The following ATM variants were observed in gnomAD, a reference collection of about 807,000 sequenced individuals.
ATM encodes the protein serine-protein kinase ATM.
Under a neutral mutation model 387.0 loss-of-function variants are expected in ATM, and 308 were observed. The ratio of observed to expected loss-of-function variants is 0.80; its 90% CI spans 0.73 to 0.87. The LOEUF (loss-of-function observed/expected upper bound fraction) is 0.87. Among genes scored for constraint, ATM ranks in the 40% least tolerant of loss-of-function variants. The pLI, the probability that ATM is intolerant of heterozygous loss-of-function variation, is 0.00. For missense variants in ATM, 3,312 were observed against 3,560.9 expected, an observed-to-expected ratio of 0.93 and a Z score of 1.78; for synonymous variants, 1,156 against 1,187.3, an observed-to-expected ratio of 0.97 and a Z score of 0.54.
chr11:108,282,273 G>A (rs576874121), intron 24 of ATM, among the ~76,000 whole-genome samples: 4 of 152,014 alleles, frequency 2.6e-5, no homozygotes, highest in East Asian at 3.9e-4. Context: ...GACTACAGGC[G>A]CCCGTCGTCA....
chr11:108,350,577 A>G (rs1408039750), intron 59 of ATM, among the ~76,000 whole-genome samples: 1 of 152,232 alleles, frequency 6.6e-6, no homozygotes, highest in Non-Finnish European at 1.5e-5. Flanking sequence ...TTTCCCCAGA[A>G]TGAATTCTAG....
At position 108,365,505 on chromosome 11, in the gene ATM, G is replaced by A. The variant is rs1591388522; in HGVS notation, c.9168G>A (p.Val3056=). 3 of 1,614,076 alleles carry A rather than the reference G, an allele frequency of 1.9e-6. No homozygotes were observed. The highest frequency in any genetic ancestry group is 1.1e-5 in the South Asian group (1 of 91,062). ...SRLFPGWKAW[V] is the part of the protein sequence containing the mutation. Reference sequence around the variant, plus strand: ...TTTTCCCAGGATGGAAAGCTTGGGTGTGATCTTCAGTATATGAATTACCCT... The same window carrying A: ...TTTTCCCAGGATGGAAAGCTTGGGTATGATCTTCAGTATATGAATTACCCT... The change falls in exon 63 of 63, where the codon GTG becomes GTA. Residue 3056 remains valine, a synonymous_variant. Transcript: ENST00000675843.
chr11:108,307,894 C>G lies in ATM; in HGVS notation c.5675-3C>G, dbSNP rs876658545. 1.2e-6 allele frequency: 2 copies of G among 1,612,010 alleles called. No homozygotes were observed. The highest frequency in any genetic ancestry group is 8.5e-7 in the Non-Finnish European group (1 of 1,178,446). ...ACTGAGGGGAGATATTTTTGTTTGT[C>G]AGAGTCAGAGCACTTTTTCCGATGC... is the stretch of plus-strand genomic sequence containing the variant. On this transcript the variant is annotated splice_polypyrimidine_tract_variant and splice_region_variant and intron_variant, in intron 37 of 62. Coordinates refer to ENST00000675843, the MANE Select transcript of ATM (RefSeq NM_000051.4).
chr11:108,255,180 C>T (rs2080394283), intron 13 of ATM, among the ~76,000 whole-genome samples: 1 of 152,134 alleles, frequency 6.6e-6, no homozygotes, highest in African/African-American at 2.4e-5. Flanking sequence ...ACAATCCATT[C>T]AAAGGAGTGA....
intron 15 of ATM, among the ~76,000 whole-genome samples, chr11:108,257,905 C>G (rs1186478838): frequency 1.3e-5 from 2 of 152,058 alleles, no homozygotes; most frequent in Non-Finnish European, 2.9e-5. Flanking sequence ...GAGACAGTCT[C>G]TCACTCTTTC....
In ATM at chr11:108,317,443, A is replaced by AT; in HGVS notation, c.6269_6270insT (p.Trp2091LeufsTer4). ...AAAGGATTGGATTATGAAAATAAAG[A>AT]CTGGTGTCCTGAACTAGAAGAACTT... On this transcript the variant is annotated frameshift_variant, in exon 43 of 63. Coordinates refer to ENST00000675843, the MANE Select transcript of ATM (RefSeq NM_000051.4). LOFTEE classifies it high-confidence loss of function. 6.2e-7 allele frequency: 1 copy of AT among 1,612,520 alleles called. No homozygotes were observed. The highest frequency in any genetic ancestry group is 8.5e-7 in the Non-Finnish European group (1 of 1,179,408).
intron 37 of ATM, among the ~76,000 whole-genome samples, chr11:108,306,619 A>G (rs914734974): frequency 6.6e-6 from 1 of 152,226 alleles, no homozygotes; most frequent in African/African-American, 2.4e-5. Context: ...TACAGTGCCA[A>G]TATTTTTATT....
chr11:108,346,182 G>A (rs1374093651), intron 58 of ATM, among the ~76,000 whole-genome samples: 1 of 151,906 alleles, frequency 6.6e-6, no homozygotes, highest in Non-Finnish European at 1.5e-5. Context: ...AGTGAATATG[G>A]CATATTTTCT....
intron 42 of ATM, among the ~76,000 whole-genome samples, 199 bp from the exon 43 acceptor site, chr11:108,317,174 A>G (rs551856021): frequency 6.6e-6 from 1 of 151,992 alleles, no homozygotes; most frequent in South Asian, 2.1e-4. Flanking sequence ...CCTGGGCTCA[A>G]GTGATCCTCC....
rs545876423 is a variant in ATM, at chr11:108,277,391, C to T, written c.3285-2100C>T. 4.6e-5 allele frequency among the ~76,000 whole-genome samples: 7 copies of T among 152,218 alleles called. No homozygotes were observed. The South Asian group carries it at 8.3e-4, about 18-fold the overall frequency. ...GGAGTGAATGGGTCCGTCTCGCTGG[C>T]GTTCCAGGTGCCACTGGGGTATGAA... On this transcript the variant is annotated intron_variant, in intron 22 of 62. Transcript: ENST00000675843.
Position 108,304,858 on chromosome 11 carries a change from C to G in ATM, c.5674+6C>G, listed in dbSNP as rs780204400. Reference sequence around the variant, plus strand: ...CCCTGCAAACTTGGATTCAGGTATTCTATTAAATTTTTAACATTAATACTG... The same window carrying G: ...CCCTGCAAACTTGGATTCAGGTATTGTATTAAATTTTTAACATTAATACTG... On this transcript the variant is annotated splice_donor_region_variant and intron_variant, in intron 37 of 62. Coordinates refer to ENST00000675843, the MANE Select transcript of ATM (RefSeq NM_000051.4). 5.6e-6 allele frequency: 9 copies of G among 1,613,462 alleles called. No individual in the cohort carries two copies. The highest frequency in any genetic ancestry group is 1.3e-5 in the African/African-American group (1 of 75,008).
At chr11:108,229,839 C>T (rs1457935054) in intron 4 of ATM, 1 of 153,062 alleles carries the variant, frequency 6.5e-6, no homozygotes. Context: ...CATCACCATG[C>T]CAGGCTGATT....
Position 108,281,655 on chromosome 11 carries a change from G to A in ATM, c.3576+487G>A, listed in dbSNP as rs76216409. Among the ~76,000 whole-genome samples the A allele has an allele frequency of 4.1e-3, 618 of 152,294 alleles. 8 individuals are homozygous for A. The highest frequency in any genetic ancestry group is 0.013 in the African/African-American group (523 of 41,562). ...CACAGTATTATAGAATGTTGGCCCC[G>A]TCTCTTTTCCATCACCTCAGCATTT... On this transcript the variant is annotated intron_variant, in intron 24 of 62. Coordinates refer to ENST00000675843, the MANE Select transcript of ATM (RefSeq NM_000051.4).
chr11:108,289,753 T>C lies in ATM; in HGVS notation c.4388T>C (p.Phe1463Ser). 6.2e-7 allele frequency: 1 copy of C among 1,613,672 alleles called. No individual in the cohort carries two copies. Among genetic ancestry groups the C allele is most frequent in the Non-Finnish European group, 8.5e-7 (1 of 1,179,976 alleles). Residue 1463 changes from phenylalanine (F) to serine (S), a missense_variant, in exon 29 of 63, where the codon TTT becomes TCT. Phe to Ser is a radical substitution (Grantham distance 155). Transcript: ENST00000675843. ...AGTGGCTTAGGAGGAGCTTGGGCCT[T>C]TGTTCTTCGAGACGTTATTTATACT... ...IKSGLGGAWA[F>S]VLRDVIYTLI...
intron 22 of ATM, among the ~76,000 whole-genome samples, chr11:108,276,827 C>T (rs2081975468): frequency 6.6e-6 from 1 of 152,178 alleles, no homozygotes; most frequent in Non-Finnish European, 1.5e-5. Context: ...GTCTCCCAGT[C>T]AGGAGGCACG....
intron 16 of ATM, among the ~76,000 whole-genome samples, chr11:108,262,913 C>T (rs1415117726): frequency 6.7e-6 from 1 of 149,202 alleles, no homozygotes; most frequent in East Asian, 2.0e-4. Context: ...GTAAAGGGAT[C>T]AATTCAACAA....
Position 108,254,008 on chromosome 11 carries a change from C to T in ATM, c.2093C>T (p.Ser698Leu), listed in dbSNP as rs2135371158. 1 of 1,613,852 alleles carries T rather than the reference C, an allele frequency of 6.2e-7. No homozygotes were observed. Among genetic ancestry groups the T allele is most frequent in the Non-Finnish European group, 8.5e-7 (1 of 1,179,930 alleles). Reference sequence around the variant, plus strand: ...CTGGATCGCTGTCTTCTGGGATTATCAGAACAGCTTCTGAATAATTACTCA... The same window carrying T: ...CTGGATCGCTGTCTTCTGGGATTATTAGAACAGCTTCTGAATAATTACTCA... ...ESLDRCLLGL[S>L]EQLLNNYSSE... Residue 698 changes from serine to leucine, a missense_variant, in exon 13 of 63, where the codon TCA (serine) becomes TTA (leucine). Coordinates refer to ENST00000675843, the MANE Select transcript of ATM (RefSeq NM_000051.4).
chr11:108,260,183 T>G (rs185379281), intron 16 of ATM, among the ~76,000 whole-genome samples: 1 of 152,106 alleles, frequency 6.6e-6, no homozygotes, highest in Non-Finnish European at 1.5e-5. Flanking sequence ...TACAGATGTG[T>G]GCCACCACAA....
intron 49 of ATM, among the ~76,000 whole-genome samples, chr11:108,329,710 C>G (rs979258217): frequency 2.0e-5 from 3 of 152,170 alleles, no homozygotes; most frequent in African/African-American, 4.8e-5. Context: ...TGTGCCCTGT[C>G]TGTCTTGGTC....
Sources: gnomAD v4.1 joint callset for allele counts (sites outside exome capture counted in the v4.1 genomes callset) on GRCh38, gnomAD v4.1.1 for gene constraint, MANE v1.5 for transcripts, NCBI Gene and HGNC (gene_info 2026-07-23, HGNC 2026-07-21) for gene names.